Variants in CATSPERD observed in about 807,000 individuals in gnomAD.
The protein encoded by CATSPERD is cation channel sperm-associated auxiliary subunit delta.
CATSPERD carries 86 observed loss-of-function variants against 98.1 expected under a neutral mutation model. That is an observed-to-expected ratio of 0.88 (90% CI 0.74 to 1.05). The LOEUF (loss-of-function observed/expected upper bound fraction) is 1.05, where lower values mean the gene tolerates loss of function less well. Ranked by LOEUF, CATSPERD falls within the 50% of genes least tolerant of loss-of-function variation. The pLI, the probability that CATSPERD is intolerant of heterozygous loss-of-function variation, is 0.00. For synonymous variants in CATSPERD, 394 were observed against 390.2 expected (o/e 1.01, Z -0.12); for missense variants, 995 against 1,005.7 (o/e 0.99, Z 0.14).
intron 3 of CATSPERD, among the ~76,000 whole-genome samples, chr19:5,728,666 C>T (rs1445637672): frequency 6.6e-6 from 1 of 151,188 alleles, no homozygotes; most frequent in African/African-American, 2.4e-5. Context: ...GAAAACCAGC[C>T]TGGATAACAT....
chr19:5,738,442 G>A (rs533361587), intron 6 of CATSPERD, among the ~76,000 whole-genome samples: 92 of 152,182 alleles, frequency 6.0e-4, no homozygotes, highest in South Asian at 1.2e-3. Flanking sequence ...TGGGGTGGGA[G>A]GATGGCTTGA....
At chr19:5,749,445 A>G (rs543922989) in intron 11 of CATSPERD, among the ~76,000 whole-genome samples, 5 of 152,206 alleles carry the variant, frequency 3.3e-5, no homozygotes, top group African/African-American at 1.2e-4. Flanking sequence ...CTGTCTCAAC[A>G]ACAACAACGA....
chr19:5,730,088 T>C, intron 4 of CATSPERD, 144 bp downstream of exon 4: 1 of 522,196 alleles, frequency 1.9e-6, no homozygotes, highest in Non-Finnish European at 3.4e-6. Flanking sequence ...TTAAGGGCAA[T>C]TTCTAAGCCT....
intron 1 of CATSPERD, among the ~76,000 whole-genome samples, chr19:5,724,215 C>T (rs553972147): frequency 2.6e-5 from 4 of 151,966 alleles, no homozygotes; most frequent in East Asian, 3.9e-4. Flanking sequence ...TGTGAGCCAC[C>T]GCACCTGGCT....
In CATSPERD at chr19:5,776,235, C is replaced by G. The variant is rs200203137; in HGVS notation, c.2016C>G (p.Gly672=). The G allele has an allele frequency of 1.5e-4, 246 of 1,614,192 alleles. No homozygotes were observed. Among genetic ancestry groups the G allele is most frequent in the Middle Eastern group, 4.9e-4 (3 of 6,062 alleles). Residue 672 remains glycine, a synonymous_variant, in exon 21 of 22, where the codon GGC becomes GGG. Transcript: ENST00000381624. ...RWPDVQYQIL[G]GRTANQIIFG... The stretch of plus-strand genomic sequence containing the variant: ...CAGACGTCCAGTATCAGATCTTGGG[C>G]GGCCGGACAGCAAACCAGATCATTT...
intron 3 of CATSPERD, among the ~76,000 whole-genome samples, chr19:5,729,478 T>C (rs1478358730): frequency 1.3e-5 from 2 of 152,194 alleles, no homozygotes; most frequent in African/African-American, 4.8e-5. Flanking sequence ...TGAAATGATA[T>C]ACCATGTTCA....
intron 3 of CATSPERD, 72 bp from the exon 4 acceptor site, chr19:5,729,800 A>T: frequency 1.1e-6 from 1 of 882,738 alleles, no homozygotes; most frequent in Non-Finnish European, 1.8e-6. Flanking sequence ...GACATTTTAG[A>T]GTACCTCTAT....
chr19:5,771,303 C>T lies in CATSPERD; in HGVS notation c.1763+231C>T, dbSNP rs148415818. On this transcript the variant is annotated intron_variant, in intron 19 of 21. Transcript: ENST00000381624. ...TTGCTCTGTCGCCTAGGATGGAGTG[C>T]AGTGGCATGATCTCAGCTCACTGCA... Among the ~76,000 whole-genome samples, 655 of 152,332 alleles carry T rather than the reference C, an allele frequency of 4.3e-3. 6 individuals carry two copies. The highest frequency in any genetic ancestry group is 0.02 in the Middle Eastern group (6 of 294).
chr19:5,721,040 C>T (rs1015318579), intron 1 of CATSPERD, among the ~76,000 whole-genome samples: 1 of 151,432 alleles, frequency 6.6e-6, no homozygotes, highest in East Asian at 1.9e-4. Flanking sequence ...GCTCTGTCGC[C>T]CAGGCTGCAG....
chr19:5,747,897 C>A (rs1283034758), intron 9 of CATSPERD, among the ~76,000 whole-genome samples: 2 of 152,170 alleles, frequency 1.3e-5, no homozygotes, highest in African/African-American at 2.4e-5. Flanking sequence ...CAGGTGTGCA[C>A]CCCCGCGCCT....
chr19:5,751,694 G>A lies in CATSPERD; in HGVS notation c.1035G>A (p.Arg345=). ...IWSEDVALMF[R]SPGTLEILTP... is the part of the protein sequence containing the mutation. ...CAGAAGACGTGGCCCTGATGTTCAGGAGCCCAGGGACTCTGGAAATACTGA... is the reference window on the plus strand; with the variant it reads ...CAGAAGACGTGGCCCTGATGTTCAGAAGCCCAGGGACTCTGGAAATACTGA... The change falls in exon 12 of 22, where the codon AGG becomes AGA. Residue 345 remains arginine, a synonymous_variant. Coordinates refer to ENST00000381624, the MANE Select transcript of CATSPERD (RefSeq NM_152784.4). The A allele has an allele frequency of 6.2e-7, 1 of 1,612,826 alleles. No individual in the cohort carries two copies. Among genetic ancestry groups the A allele is most frequent in the East Asian group, 2.2e-5 (1 of 44,822 alleles).
At chr19:5,769,207 C>T (rs1054599118) in intron 18 of CATSPERD, among the ~76,000 whole-genome samples, 8 of 149,456 alleles carry the variant, frequency 5.4e-5, no homozygotes, top group Admixed American at 4.7e-4. Flanking sequence ...CAGTGGCTCA[C>T]ACCTGTAATC....
intron 1 of CATSPERD, among the ~76,000 whole-genome samples, chr19:5,723,102 G>T (rs1221882442): frequency 6.6e-6 from 1 of 150,944 alleles, no homozygotes; most frequent in Non-Finnish European, 1.5e-5. Context: ...CAGGAGAATG[G>T]CGTGAACCCG....
chr19:5,735,340 C>T (rs924452140), intron 5 of CATSPERD, among the ~76,000 whole-genome samples: 1 of 151,450 alleles, frequency 6.6e-6, no homozygotes, highest in Non-Finnish European at 1.5e-5. Context: ...GATGGAGTTT[C>T]GCTGTTGTTG....
In CATSPERD at chr19:5,771,068, G is replaced by C; in HGVS notation, c.1759G>C (p.Glu587Gln). Residue 587 changes from glutamate to glutamine, a missense_variant, in exon 19 of 22, where the codon GAG becomes CAG. Around this residue, in one of 3 missense-constraint regions of CATSPERD, gnomAD observed 762 missense variants for 773.7 expected, o/e 0.98. Transcript: ENST00000381624. ...TGACACCCTATGGAAGCCCGTGGTG[G>C]AGCTGTAAGACCCCAGGGGGGTGCT... ...YYDTLWKPVV[E>Q]LWRKDSFQEV... 1 of 1,613,264 alleles carries C rather than the reference G, an allele frequency of 6.2e-7. No individual in the cohort carries two copies. The highest frequency in any genetic ancestry group is 1.1e-5 in the South Asian group (1 of 90,966).
chr19:5,735,435 C>A (rs1033724029), intron 5 of CATSPERD, among the ~76,000 whole-genome samples: 1 of 151,944 alleles, frequency 6.6e-6, no homozygotes, highest in African/African-American at 2.4e-5. Flanking sequence ...CTTACCCTCC[C>A]GAGTAGCTGG....
chr19:5,763,278 G>C lies in CATSPERD; in HGVS notation c.1491G>C (p.Val497=). The change falls in exon 16 of 22, where the codon GTG becomes GTC. Residue 497 remains valine (V), a synonymous_variant. Transcript: ENST00000381624. ...VDIANKEISC[V]DIKPLSTLIS... ...TAGCAAACAAGGAAATTTCATGTGTGGATATCAAGCCACTGGTAGGTCCCA... is the reference window on the plus strand; with the variant it reads ...TAGCAAACAAGGAAATTTCATGTGTCGATATCAAGCCACTGGTAGGTCCCA... 1 of 1,613,918 alleles carries C rather than the reference G, an allele frequency of 6.2e-7. No homozygotes were observed. Among genetic ancestry groups the C allele is most frequent in the Non-Finnish European group, 8.5e-7 (1 of 1,179,880 alleles).
intron 7 of CATSPERD, among the ~76,000 whole-genome samples, chr19:5,741,848 G>A (rs1209239297): frequency 1.5e-5 from 2 of 130,748 alleles, no homozygotes; most frequent in African/African-American, 5.7e-5. Context: ...AAGCCAACTT[G>A]GTGAAACCCC....
chr19:5,721,005 T>TC, intron 1 of CATSPERD, among the ~76,000 whole-genome samples, 197 bp downstream of exon 1: 1 of 151,078 alleles, frequency 6.6e-6, no homozygotes, highest in Middle Eastern at 3.4e-3. Flanking sequence ...ACCTCTTTTT[T>TC]TTTTTTTTTT....
Sources: gnomAD v4.1 joint callset for allele counts (sites outside exome capture counted in the v4.1 genomes callset) on GRCh38, gnomAD v4.1.1 for gene constraint, gnomAD v4.1.1 regional missense constraint, MANE v1.5 for transcripts, NCBI Gene and HGNC (gene_info 2026-07-23, HGNC 2026-07-21) for gene names.